The following COMMD2 variants were observed in gnomAD, a reference collection of about 807,000 sequenced individuals.
COMMD2 encodes COMM domain-containing protein 2.
In COMMD2, 25 loss-of-function variants were observed where a neutral mutation model predicts 22.5. The ratio of observed to expected loss-of-function variants is 1.11; its 90% CI spans 0.81 to 1.55. COMMD2 has a LOEUF of 1.55. Ranked by LOEUF, COMMD2 falls within the 40% of genes most tolerant of loss-of-function variation. COMMD2 has a pLI of 0.00. For missense variants in COMMD2, 223 were observed against 232.9 expected (o/e 0.96, Z 0.28); for synonymous variants, 98 against 91.2 (o/e 1.07, Z -0.42).
rs1213328716 is a variant in COMMD2, at chr3:149,738,719, T to G, written c.*2802A>C. On this transcript the variant is annotated 3_prime_UTR_variant, in exon 5 of 5. Coordinates refer to ENST00000473414, the MANE Select transcript of COMMD2 (RefSeq NM_016094.4). Reference sequence around the variant, plus strand: ...TTATCTCTTAACCACTTCATAAGATTAAAACGCTGAAGGGGCACATACTGT... The same window carrying G: ...TTATCTCTTAACCACTTCATAAGATGAAAACGCTGAAGGGGCACATACTGT... 1.3e-5 allele frequency: 2 copies of G among 152,134 alleles called. No homozygotes were observed. The highest frequency in any genetic ancestry group is 4.8e-5 in the African/African-American group (2 of 41,438). 9.4% of individuals were successfully genotyped at this position (152,134 alleles called of 1,614,324 possible). A position where few individuals can be genotyped will look rare whatever the true frequency, so the allele number is the denominator to read the frequency against.
intron 4 of COMMD2, chr3:149,750,333 C>T (rs1463298334): frequency 2.4e-6 from 1 of 422,456 alleles, no homozygotes; most frequent in Non-Finnish European, 4.7e-6. Flanking sequence ...GTTAAATGCA[C>T]CATGTGATAA....
Position 149,740,086 on chromosome 3 carries a change from T to G in COMMD2, c.*1435A>C, listed in dbSNP as rs1254173551. 1 of 152,222 alleles carries G rather than the reference T, an allele frequency of 6.6e-6. No individual in the cohort carries two copies. The highest frequency in any genetic ancestry group is 2.4e-5 in the African/African-American group (1 of 41,460). 9.4% of individuals were successfully genotyped at this position (152,222 alleles called of 1,614,324 possible). The stretch of plus-strand genomic sequence containing the variant: ...GTTTGATTGCTTCTACAGCCCTTTC[T>G]AGATTATTCCATGAAGACTCTCAGG... On this transcript the variant is annotated 3_prime_UTR_variant, in exon 5 of 5. Coordinates refer to ENST00000473414, the MANE Select transcript of COMMD2 (RefSeq NM_016094.4).
intron 4 of COMMD2, among the ~76,000 whole-genome samples, chr3:149,749,749 C>T (rs1417952051): frequency 6.6e-6 from 1 of 152,138 alleles, no homozygotes; most frequent in African/African-American, 2.4e-5. Context: ...TTGCTGGAAG[C>T]TTTCTTGGAT....
chr3:149,747,023 G>C (rs904127727), intron 4 of COMMD2, among the ~76,000 whole-genome samples: 1 of 152,156 alleles, frequency 6.6e-6, no homozygotes, highest in African/African-American at 2.4e-5. Flanking sequence ...TCTCCACCTG[G>C]TCCCACCCTT....
intron 3 of COMMD2, 172 bp downstream of exon 3, chr3:149,751,231 A>G: frequency 2.1e-6 from 2 of 954,012 alleles, no homozygotes; most frequent in Non-Finnish European, 3.0e-6. Flanking sequence ...AGAGGTATTC[A>G]TATCAGCAGA....
rs551757804 is a variant in COMMD2, at chr3:149,748,629, C to A, written c.402+2049G>T. ...ATCAGCAAACCCTTTCTATAAAGAACGAGATAATATTTTAGGCTTTACAGA... is the reference window on the plus strand; with the variant it reads ...ATCAGCAAACCCTTTCTATAAAGAAAGAGATAATATTTTAGGCTTTACAGA... On this transcript the variant is annotated intron_variant, in intron 4 of 4. Transcript: ENST00000473414. Among the ~76,000 whole-genome samples the A allele has an allele frequency of 8.5e-5, 13 of 152,294 alleles. No individual in the cohort carries two copies. The South Asian group carries it at 2.5e-3, about 29-fold the overall frequency.
chr3:149,740,346 C>T lies in COMMD2; in HGVS notation c.*1175G>A, dbSNP rs1238723198. 1 of 152,182 alleles carries T rather than the reference C, an allele frequency of 6.6e-6. No homozygotes were observed. Among genetic ancestry groups the T allele is most frequent in the Non-Finnish European group, 1.5e-5 (1 of 68,028 alleles). 9.4% of individuals were successfully genotyped at this position (152,182 alleles called of 1,614,324 possible). On this transcript the variant is annotated 3_prime_UTR_variant, in exon 5 of 5. Transcript: ENST00000473414. Reference sequence around the variant, plus strand: ...CTATAATGTAATAAACATGGCCTTCCTTCCCTCATCATAGTTTATTCAAAT... The same window carrying T: ...CTATAATGTAATAAACATGGCCTTCTTTCCCTCATCATAGTTTATTCAAAT...
At position 149,740,264 on chromosome 3, in the gene COMMD2, C is replaced by T. The variant is rs562023107; in HGVS notation, c.*1257G>A. 4 of 152,206 alleles carry T rather than the reference C, an allele frequency of 2.6e-5. No individual in the cohort carries two copies. The South Asian group carries it at 8.3e-4, about 32-fold the overall frequency. 9.4% of individuals were successfully genotyped at this position (152,206 alleles called of 1,614,324 possible). On this transcript the variant is annotated 3_prime_UTR_variant, in exon 5 of 5. Coordinates refer to ENST00000473414, the MANE Select transcript of COMMD2 (RefSeq NM_016094.4). ...TTTCAGACCAAAAGCTTTTGGTTCC[C>T]TACTAAAAAATAAAACAAAACATAA...
chr3:149,743,205 T>A (rs1293760617), intron 4 of COMMD2, among the ~76,000 whole-genome samples: 1 of 152,132 alleles, frequency 6.6e-6, no homozygotes, highest in African/African-American at 2.4e-5. Flanking sequence ...AAAAAATAAG[T>A]AATACTGACA....
chr3:149,743,592 G>A (rs1245798156), intron 4 of COMMD2, among the ~76,000 whole-genome samples: 1 of 152,158 alleles, frequency 6.6e-6, no homozygotes, highest in Non-Finnish European at 1.5e-5. Flanking sequence ...ATCCAAGGCT[G>A]AAATTTAATG....
At chr3:149,749,772 T>C (rs1716480097) in intron 4 of COMMD2, among the ~76,000 whole-genome samples, 1 of 152,238 alleles carries the variant, frequency 6.6e-6, no homozygotes, top group South Asian at 2.1e-4. Flanking sequence ...CGCCAGCACA[T>C]ACACACAACT....
intron 1 of COMMD2, 36 bp from the exon 2 acceptor site, chr3:149,752,323 C>A (rs1298648135): frequency 6.2e-7 from 1 of 1,613,662 alleles, no homozygotes; most frequent in Non-Finnish European, 8.5e-7. Context: ...GAGTGCCAGG[C>A]GCTGCCTTTG....
At chr3:149,750,424 C>A in intron 4 of COMMD2, 1 of 518,714 alleles carries the variant, frequency 1.9e-6, no homozygotes, top group Non-Finnish European at 3.6e-6. Flanking sequence ...ATCTAGGCAC[C>A]AACCTAAAAA....
intron 4 of COMMD2, among the ~76,000 whole-genome samples, chr3:149,747,168 G>A (rs1377366660): frequency 6.6e-6 from 1 of 152,378 alleles, no homozygotes; most frequent in East Asian, 1.9e-4. Context: ...CCAAAGTGGA[G>A]ATGTCAAATA....
At chr3:149,744,599 T>C (rs955994286) in intron 4 of COMMD2, among the ~76,000 whole-genome samples, 5 of 152,238 alleles carry the variant, frequency 3.3e-5, no homozygotes, top group Admixed American at 1.3e-4. Flanking sequence ...TAGGTGGTAA[T>C]TGTCCATCAC....
In COMMD2 at chr3:149,740,458, G is replaced by A. The variant is rs1716181040; in HGVS notation, c.*1063C>T. 1 of 152,190 alleles carries A rather than the reference G, an allele frequency of 6.6e-6. No individual in the cohort carries two copies. Among genetic ancestry groups the A allele is most frequent in the Admixed American group, 6.5e-5 (1 of 15,274 alleles). 9.4% of individuals were successfully genotyped at this position (152,190 alleles called of 1,614,324 possible). On this transcript the variant is annotated 3_prime_UTR_variant, in exon 5 of 5. Transcript: ENST00000473414. Reference sequence around the variant, plus strand: ...CCATTATTTGTAAATGTAAATGACAGAGTGTCTCCTAGATGCTTTGGGTAT... The same window carrying A: ...CCATTATTTGTAAATGTAAATGACAAAGTGTCTCCTAGATGCTTTGGGTAT...
Position 149,746,268 on chromosome 3 carries a change from T to C in COMMD2, c.402+4410A>G, listed in dbSNP as rs192953200. Among the ~76,000 whole-genome samples the C allele has an allele frequency of 2.6e-5, 4 of 152,236 alleles. No individual in the cohort carries two copies. In the East Asian group the frequency reaches 7.7e-4, roughly 29 times the overall value. On this transcript the variant is annotated intron_variant, in intron 4 of 4. Coordinates refer to ENST00000473414, the MANE Select transcript of COMMD2 (RefSeq NM_016094.4). ...AGAAGGGAAGTGGTCAGACTGTGGA[T>C]ACCTTTTTAAGAAACTGACTTGCAG...
chr3:149,743,269 C>G (rs907330033), intron 4 of COMMD2, among the ~76,000 whole-genome samples: 1 of 152,100 alleles, frequency 6.6e-6, no homozygotes, highest in African/African-American at 2.4e-5. Flanking sequence ...CTTCAAGGTC[C>G]TTTCAATCTT....
rs189655715 is a variant in COMMD2, at chr3:149,743,732, C to T, written c.403-2014G>A. Among the ~76,000 whole-genome samples the T allele has an allele frequency of 7.9e-5, 12 of 152,288 alleles. No homozygotes were observed. In the East Asian group the frequency reaches 2.1e-3, roughly 27 times the overall value. ...GTAGTACAAATAACTATAGATGACA[C>T]ATATGCAAATTATATATATGATAAT... On this transcript the variant is annotated intron_variant, in intron 4 of 4. Coordinates refer to ENST00000473414, the MANE Select transcript of COMMD2 (RefSeq NM_016094.4).
Sources: allele counts gnomAD v4.1 joint callset (sites outside exome capture counted in the v4.1 genomes callset), GRCh38; gene constraint gnomAD v4.1.1; transcripts MANE v1.5; gene names NCBI Gene and HGNC (gene_info 2026-07-23, HGNC 2026-07-21).